The following KNTC1 variants were observed in gnomAD, a reference collection of about 807,000 sequenced individuals.
KNTC1 encodes the protein kinetochore-associated protein 1.
Under a neutral mutation model 314.4 loss-of-function variants are expected in KNTC1, and 253 were observed. That is an observed-to-expected ratio of 0.80 (90% confidence interval 0.73 to 0.89). The LOEUF is 0.89. Among genes scored for constraint, KNTC1 ranks in the 40% least tolerant of loss-of-function variants. The pLI is 0.00. For missense variants in KNTC1, 2,475 were observed against 2,572.9 expected (o/e 0.96, Z 0.82); for synonymous variants, 901 against 901.4 (o/e 1.00, Z 0.01).
chr12:122,615,554 T>A (rs1186519405), intron 57 of KNTC1, 28 bp downstream of exon 57: 3 of 1,492,296 alleles, frequency 2.0e-6, no homozygotes, highest in East Asian at 5.0e-5. Context: ...ATAAATTTTA[T>A]TGAATTTAGT....
At chr12:122,598,453 C>T (rs1195730842) in intron 44 of KNTC1, among the ~76,000 whole-genome samples, 1 of 120,482 alleles carries the variant, frequency 8.3e-6, no homozygotes, top group Non-Finnish European at 1.6e-5. Context: ...CAAGGTCTTG[C>T]TCTGTTGCCC....
In KNTC1 at chr12:122,577,641, G is replaced by GT. The variant is rs755918606; in HGVS notation, c.2722-25dup. ...ACACCGTCCTTTGCAAATACCAGCT[G>GT]TTTTTTCTTCCTTTCAAACCCTGTT... On this transcript the variant is annotated intron_variant, in intron 30 of 63. Coordinates refer to ENST00000333479, the MANE Select transcript of KNTC1 (RefSeq NM_014708.6). The GT allele has an allele frequency of 2.5e-6, 4 of 1,592,472 alleles. No individual in the cohort carries two copies. The East Asian group carries it at 6.8e-5, about 27-fold the overall frequency.
In KNTC1 at chr12:122,547,457, T is replaced by C; in HGVS notation, c.859T>C (p.Trp287Arg). 1 of 1,613,272 alleles carries C rather than the reference T, an allele frequency of 6.2e-7. No homozygotes were observed. Among genetic ancestry groups the C allele is most frequent in the African/African-American group, 1.3e-5 (1 of 75,060 alleles). The change falls in exon 11 of 64, where the codon TGG (tryptophan) becomes CGG (arginine). Residue 287 changes from tryptophan to arginine, a missense_variant. By Grantham distance (101) the Trp-to-Arg change is moderately radical (BLOSUM62 -3). Coordinates refer to ENST00000333479, the MANE Select transcript of KNTC1 (RefSeq NM_014708.6). ...LWDIYTLTPV[W>R]NWPSLHVEEF... is the part of the protein sequence containing the mutation. ...GGATATTTACACTCTAACTCCTGTA[T>C]GGAACTGGCCCTCTCTTCACGTAGA...
chr12:122,534,811 A>G (rs1176329418), intron 3 of KNTC1, 27 bp downstream of exon 3: 2 of 1,601,010 alleles, frequency 1.2e-6, no homozygotes, highest in South Asian at 1.1e-5. Flanking sequence ...GAATGAAGTA[A>G]GATAAATTGG....
intron 57 of KNTC1, among the ~76,000 whole-genome samples, chr12:122,617,770 C>T (rs544445404): frequency 2.0e-5 from 3 of 152,302 alleles, no homozygotes; most frequent in African/African-American, 7.2e-5. Flanking sequence ...TGATTTTAGT[C>T]ATCTGGAATA....
At chr12:122,613,603 T>G (rs760564143) in intron 54 of KNTC1, 23 bp from the exon 55 acceptor site, 6 of 1,578,782 alleles carry the variant, frequency 3.8e-6, no homozygotes, top group Non-Finnish European at 5.1e-6. Flanking sequence ...AGAATGATTC[T>G]TAGAAACGTT....
intron 43 of KNTC1, 106 bp downstream of exon 43, chr12:122,594,491 A>G (rs775340588): frequency 2.3e-5 from 15 of 662,510 alleles, no homozygotes; most frequent in Non-Finnish European, 3.7e-5. Context: ...ATAGACCACT[A>G]TTTTCTTTTG....
intron 16 of KNTC1, among the ~76,000 whole-genome samples, chr12:122,555,256 T>C (rs1262720154): frequency 6.6e-6 from 1 of 152,204 alleles, no homozygotes; most frequent in Non-Finnish European, 1.5e-5. Flanking sequence ...GGTTGATAAA[T>C]AATCATATAT....
chr12:122,596,127 G>A (rs1871009779), intron 43 of KNTC1, among the ~76,000 whole-genome samples: 1 of 130,324 alleles, frequency 7.7e-6, no homozygotes, highest in East Asian at 2.4e-4. Context: ...CTGTCACCCA[G>A]CCTGAAGTGC....
chr12:122,594,595 C>T (rs934337953), intron 43 of KNTC1, among the ~76,000 whole-genome samples: 1 of 152,204 alleles, frequency 6.6e-6, no homozygotes, highest in African/African-American at 2.4e-5. Flanking sequence ...AAACTTGTCT[C>T]CTGATAAGCA....
intron 45 of KNTC1, 136 bp downstream of exon 45, chr12:122,601,761 AAAATCTTTAC>A (rs1485083133): frequency 5.5e-6 from 5 of 917,022 alleles, no homozygotes; most frequent in Non-Finnish European, 7.3e-6. Flanking sequence ...TAGGTTTTTA[AAAATCTTTAC>A]AAATCTTTAA....
intron 1 of KNTC1, among the ~76,000 whole-genome samples, chr12:122,528,734 C>T (rs1961021742): frequency 6.6e-6 from 1 of 152,186 alleles, no homozygotes; most frequent in African/African-American, 2.4e-5. Flanking sequence ...TGCCTGTATA[C>T]TTTAAATCAT....
At chr12:122,611,466 T>A (rs573227412) in intron 53 of KNTC1, 2 of 152,468 alleles carry the variant, frequency 1.3e-5, no homozygotes, top group Admixed American at 1.3e-4. Context: ...GATTTTAAAG[T>A]CCGTGACAAA....
chr12:122,585,675 T>G lies in KNTC1; in HGVS notation c.3574T>G (p.Ser1192Ala). The G allele has an allele frequency of 6.2e-7, 1 of 1,613,700 alleles. No individual in the cohort carries two copies. The highest frequency in any genetic ancestry group is 1.6e-4 in the Middle Eastern group (1 of 6,062). Reference sequence around the variant, plus strand: ...ACATAAAGATCCATATGAAGAGTGGTCTTACAGTGACTTCTTCAGTGAAGA... The same window carrying G: ...ACATAAAGATCCATATGAAGAGTGGGCTTACAGTGACTTCTTCAGTGAAGA... ...GTHKDPYEEW[S>A]YSDFFSEDGI... Residue 1192 changes from serine (S) to alanine (A), a missense_variant, in exon 37 of 64, where the codon TCT becomes GCT. Ser to Ala is a moderately conservative substitution (Grantham distance 99). Transcript: ENST00000333479.
At chr12:122,578,574 C>G (rs536125458) in intron 31 of KNTC1, among the ~76,000 whole-genome samples, 2 of 152,172 alleles carry the variant, frequency 1.3e-5, no homozygotes, top group Admixed American at 1.3e-4. Context: ...GCGTCCGCCA[C>G]CACACCTGGC....
intron 6 of KNTC1, 139 bp downstream of exon 6, chr12:122,542,266 A>C (rs1853351345): frequency 3.4e-6 from 2 of 585,516 alleles, no homozygotes; most frequent in South Asian, 4.8e-5. Flanking sequence ...TATACTGTTA[A>C]GTATTCAGAA....
intron 42 of KNTC1, among the ~76,000 whole-genome samples, chr12:122,592,469 G>A (rs1011139582): frequency 1.3e-5 from 2 of 152,234 alleles, no homozygotes; most frequent in Non-Finnish European, 2.9e-5. Flanking sequence ...GATCCACTAG[G>A]TGAAGCCAGC....
At chr12:122,608,787 G>A (rs1164554071) in intron 51 of KNTC1, among the ~76,000 whole-genome samples, 2 of 152,148 alleles carry the variant, frequency 1.3e-5, no homozygotes, top group Admixed American at 6.6e-5. Flanking sequence ...GCTGGGCAAG[G>A]TAGCTCATGA....
In KNTC1 at chr12:122,588,766, G is replaced by C. The variant is rs1869730984; in HGVS notation, c.3949G>C (p.Glu1317Gln). ...AAGGCATGTTGTTATGGAATTGAAA[G>C]AAAAAGCTGTTATATTTATCAGGGA... ...KSRHVVMELKEKAVIFIRENA... is the reference protein window; with the variant it reads ...KSRHVVMELKQKAVIFIRENA... Residue 1317 changes from glutamate to glutamine, a missense_variant, in exon 40 of 64, where the codon GAA becomes CAA. By Grantham distance (29) the Glu-to-Gln change is conservative. Transcript: ENST00000333479. The C allele has an allele frequency of 6.4e-7, 1 of 1,566,926 alleles. No individual in the cohort carries two copies. The highest frequency in any genetic ancestry group is 1.4e-5 in the African/African-American group (1 of 73,554).
Sources: allele counts gnomAD v4.1 joint callset (sites outside exome capture counted in the v4.1 genomes callset), GRCh38; gene constraint gnomAD v4.1.1; transcripts MANE v1.5; gene names NCBI Gene and HGNC (gene_info 2026-07-23, HGNC 2026-07-21).